The following CACNG4 variants were observed in gnomAD, a reference collection of about 807,000 sequenced individuals.
CACNG4 encodes the protein calcium voltage-gated channel auxiliary subunit gamma 4.
CACNG4 carries 8 observed loss-of-function variants against 22.9 expected under a neutral mutation model. That is an observed-to-expected ratio of 0.35 (90% confidence interval 0.21 to 0.63). The LOEUF (loss-of-function observed/expected upper bound fraction) is 0.63, where lower values mean the gene tolerates loss of function less well. Ranked by LOEUF, CACNG4 falls within the 30% of genes least tolerant of loss-of-function variation. The probability of loss-of-function intolerance (pLI) is 0.72; values close to 1 mark genes in which losing one functional copy is unlikely to be tolerated. For synonymous variants in CACNG4, 188 were observed against 191.9 expected (o/e 0.98, Z 0.17); for missense variants, 357 against 455.4 (o/e 0.78, Z 1.97).
rs145191571 is a variant in CACNG4, at chr17:67,017,666, C to T, written c.221-523C>T. ...CCGAGTAGCTGGGACTATAGGCATTCGCCACCACGGCCAGCTAATTTTTGT... is the reference window on the plus strand; with the variant it reads ...CCGAGTAGCTGGGACTATAGGCATTTGCCACCACGGCCAGCTAATTTTTGT... On this transcript the variant is annotated intron_variant, in intron 1 of 3. Coordinates refer to ENST00000262138, the MANE Select transcript of CACNG4 (RefSeq NM_014405.4). Among the ~76,000 whole-genome samples the T allele has an allele frequency of 2.4e-3, 370 of 152,232 alleles. 1 individual carries two copies. Among genetic ancestry groups the T allele is most frequent in the Non-Finnish European group, 2.9e-3 (199 of 68,016 alleles).
intron 3 of CACNG4, among the ~76,000 whole-genome samples, chr17:67,026,694 C>G (rs2035569638): frequency 7.0e-6 from 1 of 143,110 alleles, no homozygotes; most frequent in African/African-American, 2.6e-5. Context: ...TGTGTGAGGA[C>G]TATGGTATAT....
intron 3 of CACNG4, among the ~76,000 whole-genome samples, chr17:67,025,584 G>A (rs868582514): frequency 2.3e-4 from 35 of 152,236 alleles, no homozygotes; most frequent in African/African-American, 6.8e-4. Flanking sequence ...CGCCCATCCC[G>A]ACTGCCCCAA....
intron 1 of CACNG4, among the ~76,000 whole-genome samples, chr17:66,991,445 A>G (rs139132642): frequency 2.0e-5 from 3 of 152,204 alleles, no homozygotes; most frequent in African/African-American, 7.2e-5. Flanking sequence ...CTCCCCTCCT[A>G]GTGCTGAGCA....
At chr17:66,966,343 AAACCCTTGGACAG>A (rs1213558584) in intron 1 of CACNG4, among the ~76,000 whole-genome samples, 5 of 152,152 alleles carry the variant, frequency 3.3e-5, no homozygotes, top group African/African-American at 9.7e-5. Context: ...GATTTTTCAA[AAACCCTTGGACAG>A]AATTCCTTCT....
At chr17:66,969,541 G>T (rs898977233) in intron 1 of CACNG4, among the ~76,000 whole-genome samples, 1 of 152,268 alleles carries the variant, frequency 6.6e-6, no homozygotes, top group East Asian at 1.9e-4. Flanking sequence ...TCATGTTCAC[G>T]TGTCTCACCT....
At chr17:67,016,362 C>T (rs2035497603) in intron 1 of CACNG4, among the ~76,000 whole-genome samples, 1 of 152,120 alleles carries the variant, frequency 6.6e-6, no homozygotes, top group Admixed American at 6.5e-5. Context: ...GCCCCCAGGG[C>T]CCATGGACCT....
chr17:66,995,955 CTGAG>C lies in CACNG4; in HGVS notation c.221-22230_221-22227del, dbSNP rs202132706. Among the ~76,000 whole-genome samples the C allele has an allele frequency of 2.2e-4, 33 of 152,278 alleles. 1 individual carries two copies. In the East Asian group the frequency reaches 6.2e-3, roughly 28 times the overall value. ...GGTGATTTTTACTTTGATTTTGGAA[CTGAG>C]TGACATGAAACCAGTCTGACATCTG... On this transcript the variant is annotated intron_variant, in intron 1 of 3. Coordinates refer to ENST00000262138, the MANE Select transcript of CACNG4 (RefSeq NM_014405.4).
At chr17:67,019,925 A>C (rs2035521780) in intron 2 of CACNG4, 2 of 152,294 alleles carry the variant, frequency 1.3e-5, no homozygotes, top group Non-Finnish European at 2.9e-5. Context: ...TGTTACAGTC[A>C]AACAGGATGA....
intron 1 of CACNG4, among the ~76,000 whole-genome samples, chr17:66,986,546 A>G (rs2035306580): frequency 6.6e-6 from 1 of 152,226 alleles, no homozygotes; most frequent in Non-Finnish European, 1.5e-5. Context: ...GCAAGACAGG[A>G]CACACAGGAA....
intron 1 of CACNG4, among the ~76,000 whole-genome samples, chr17:66,993,976 A>G (rs922457034): frequency 1.3e-5 from 2 of 151,952 alleles, no homozygotes; most frequent in Non-Finnish European, 2.9e-5. Flanking sequence ...ATCTGTCTCT[A>G]TATGTATCCC....
At chr17:67,018,296 C>G in intron 2 of CACNG4, 24 bp downstream of exon 2, 2 of 1,593,656 alleles carry the variant, frequency 1.3e-6, no homozygotes, top group Non-Finnish European at 1.7e-6. Flanking sequence ...GGCCTGGACT[C>G]TCTTTCTGTG....
chr17:66,976,378 C>T (rs2035236275), intron 1 of CACNG4, among the ~76,000 whole-genome samples: 1 of 150,666 alleles, frequency 6.6e-6, no homozygotes, highest in South Asian at 2.1e-4. Flanking sequence ...TCCCTCCATC[C>T]TCCCCTCCCT....
rs958236819 is a variant in CACNG4, at chr17:66,999,662, G to A, written c.221-18527G>A. On this transcript the variant is annotated intron_variant, in intron 1 of 3. Coordinates refer to ENST00000262138, the MANE Select transcript of CACNG4 (RefSeq NM_014405.4). ...CAGGAGAACACCACGGGGGGAAACT[G>A]CCCCCATGATCCAATCACCTCCCTC... Among the ~76,000 whole-genome samples, 20 of 152,074 alleles carry A rather than the reference G, an allele frequency of 1.3e-4. 1 individual carries two copies. Among genetic ancestry groups the A allele is most frequent in the Non-Finnish European group, 2.6e-4 (18 of 68,020 alleles).
intron 1 of CACNG4, among the ~76,000 whole-genome samples, chr17:66,969,307 C>T (rs1330040316): frequency 6.6e-6 from 1 of 152,240 alleles, no homozygotes; most frequent in Non-Finnish European, 1.5e-5. Context: ...GAAAGCTCTC[C>T]ACCCAAAGAG....
chr17:67,010,359 C>G (rs2035461624), intron 1 of CACNG4, among the ~76,000 whole-genome samples: 1 of 152,162 alleles, frequency 6.6e-6, no homozygotes. Context: ...CCCCATCATG[C>G]TGAAGCCACA....
At chr17:67,009,222 G>T (rs2035454197) in intron 1 of CACNG4, among the ~76,000 whole-genome samples, 1 of 152,170 alleles carries the variant, frequency 6.6e-6, no homozygotes, top group African/African-American at 2.4e-5. Context: ...CTTCAAGCCT[G>T]CAGAACTGTA....
At chr17:67,012,448 G>T (rs1242666928) in intron 1 of CACNG4, among the ~76,000 whole-genome samples, 2 of 152,140 alleles carry the variant, frequency 1.3e-5, no homozygotes, top group Non-Finnish European at 2.9e-5. Context: ...TAGGGACCAG[G>T]CATCGGGGAG....
chr17:67,028,589 G>T (rs764185674), intron 3 of CACNG4, among the ~76,000 whole-genome samples: 3 of 152,170 alleles, frequency 2.0e-5, no homozygotes, highest in Non-Finnish European at 4.4e-5. Context: ...AAACGCAATG[G>T]ATGGTAATTG....
intron 1 of CACNG4, among the ~76,000 whole-genome samples, chr17:66,981,667 G>C (rs1056378769): frequency 2.0e-5 from 3 of 152,180 alleles, no homozygotes; most frequent in African/African-American, 7.2e-5. Flanking sequence ...AGCCCGGCAA[G>C]GTCCCCTCCG....
Sources: allele counts gnomAD v4.1 joint callset (sites outside exome capture counted in the v4.1 genomes callset), GRCh38; gene constraint gnomAD v4.1.1; transcripts MANE v1.5; gene names NCBI Gene and HGNC (gene_info 2026-07-23, HGNC 2026-07-21).